CD9: variants seen among roughly 807,000 people sequenced by gnomAD.
CD9 encodes CD9 antigen.
A neutral mutation model predicts 31.4 loss-of-function variants in CD9; 10 were observed. That is an observed-to-expected ratio of 0.32 (90% CI 0.20 to 0.54). The LOEUF is 0.54. Ranked by LOEUF, CD9 falls within the 20% of genes least tolerant of loss-of-function variation. The pLI is 0.94. For synonymous variants in CD9, 113 were observed against 114.1 expected, an observed-to-expected ratio of 0.99 and a Z score of 0.06; for missense variants, 259 against 300.1, an observed-to-expected ratio of 0.86 and a Z score of 1.01.
chr12:6,235,427 C>G, intron 5 of CD9, 49 bp from the exon 6 acceptor site: 1 of 1,613,582 alleles, frequency 6.2e-7, no homozygotes, highest in Non-Finnish European at 8.5e-7. Context: ...TTCTAATCGT[C>G]TTCTTACAAT....
chr12:6,221,410 A>C (rs1227174765), intron 1 of CD9, among the ~76,000 whole-genome samples: 2 of 152,202 alleles, frequency 1.3e-5, no homozygotes, highest in Admixed American at 6.5e-5. Context: ...CCCTGGGAAC[A>C]GGGCACTGTC....
At chr12:6,233,337 G>A (rs181877921) in intron 3 of CD9, 75 bp from the exon 4 acceptor site, 1 of 1,094,566 alleles carries the variant, frequency 9.1e-7, no homozygotes, top group African/African-American at 1.6e-5. Context: ...CTTCTTCCTT[G>A]TCCCAAAATA....
chr12:6,235,914 G>A (rs2072370), intron 6 of CD9: 726,838 of 1,372,400 alleles, frequency 0.53, 197,222 homozygotes, highest in African/African-American at 0.84. Flanking sequence ...AATAGTAAAA[G>A]GTGACCTTAC....
At chr12:6,200,354 C>T (rs1946060451), upstream of CD9, 1 of 506,916 alleles carries the variant, frequency 2.0e-6, no homozygotes, top group Non-Finnish European at 3.7e-6. Flanking sequence ...GGTCGCGCGC[C>T]CTAAGGAGTG....
chr12:6,220,832 G>C (rs797009270), intron 1 of CD9, among the ~76,000 whole-genome samples: 4 of 152,262 alleles, frequency 2.6e-5, no homozygotes, highest in African/African-American at 9.6e-5. Flanking sequence ...TCATATTACT[G>C]TGTTTCATTT....
intron 2 of CD9, among the ~76,000 whole-genome samples, chr12:6,230,179 A>G (rs1946424964): frequency 6.6e-6 from 1 of 152,142 alleles, no homozygotes; most frequent in Non-Finnish European, 1.5e-5. Flanking sequence ...CCCCGAACAC[A>G]GCTGCCAGGG....
chr12:6,235,575 G>C lies in CD9; in HGVS notation c.537+10G>C, dbSNP rs749718252. On this transcript the variant is annotated intron_variant, in intron 6 of 7. Coordinates refer to ENST00000009180, the MANE Select transcript of CD9 (RefSeq NM_001769.4). Reference sequence around the variant, plus strand: ...AACCTTCACCGTGAAGGTAAACTCAGACCAGGATCCTGGTGTCCCTGCCCC... The same window carrying C: ...AACCTTCACCGTGAAGGTAAACTCACACCAGGATCCTGGTGTCCCTGCCCC... The C allele has an allele frequency of 1.9e-6, 3 of 1,605,026 alleles. No homozygotes were observed. The East Asian group carries it at 6.7e-5, about 36-fold the overall frequency.
chr12:6,211,451 G>A (rs1017322647), intron 1 of CD9, among the ~76,000 whole-genome samples: 1 of 152,160 alleles, frequency 6.6e-6, no homozygotes, highest in African/African-American at 2.4e-5. Context: ...AAGCGGTGCC[G>A]GAAGTGCTTT....
At position 6,237,895 on chromosome 12, in the gene CD9, T is replaced by TTTTG; in HGVS notation, c.*71_*74dup. ...ATTGGTGGGATTTTTTGTTTGTTTG[T>TTTTG]TTTGTTTTGTTTGTTGTTTGTTGTT... On this transcript the variant is annotated 3_prime_UTR_variant, in exon 8 of 8. Transcript: ENST00000009180. 8.2e-7 allele frequency: 1 copy of TTTTG among 1,215,108 alleles called. No individual in the cohort carries two copies. The highest frequency in any genetic ancestry group is 1.2e-6 in the Non-Finnish European group (1 of 824,300). 75.3% of individuals were successfully genotyped at this position (1,215,108 alleles called of 1,614,324 possible). A position where few individuals can be genotyped will look rare whatever the true frequency, so the allele number is the denominator to read the frequency against.
In CD9 at chr12:6,237,806, G is replaced by A. The variant is rs201524346; in HGVS notation, c.665G>A (p.Arg222His). 3.5e-5 allele frequency: 57 copies of A among 1,612,714 alleles called. No homozygotes were observed. Among genetic ancestry groups the A allele is most frequent in the Non-Finnish European group, 4.2e-5 (49 of 1,178,962 alleles). The change falls in exon 8 of 8, where the codon CGC (arginine) becomes CAC (histidine). Residue 222 changes from arginine to histidine, a missense_variant. Physicochemically the swap from Arg to His is conservative, Grantham distance 29. Coordinates refer to ENST00000009180, the MANE Select transcript of CD9 (RefSeq NM_001769.4). ...IFSMILCCAI[R>H]RNREMV ...AGTATGATCTTGTGCTGTGCTATCC[G>A]CAGGAACCGCGAGATGGTCTAGAGT... is the stretch of plus-strand genomic sequence containing the variant.
chr12:6,223,802 G>A (rs764777051), intron 1 of CD9, among the ~76,000 whole-genome samples: 1 of 152,136 alleles, frequency 6.6e-6, no homozygotes, highest in Non-Finnish European at 1.5e-5. Context: ...GGTCCAGGAC[G>A]GTGGAGACTC....
At chr12:6,224,751 G>GCA (rs1946340537) in intron 1 of CD9, among the ~76,000 whole-genome samples, 1 of 152,170 alleles carries the variant, frequency 6.6e-6, no homozygotes, top group Non-Finnish European at 1.5e-5. Flanking sequence ...GAGGCCTCCT[G>GCA]CACAGCATCT....
chr12:6,233,155 T>C (rs150048438), intron 3 of CD9: 9 of 673,488 alleles, frequency 1.3e-5, no homozygotes, highest in Middle Eastern at 2.4e-4. Context: ...TAACGCCTTG[T>C]AAATGCTAGT....
At chr12:6,201,844 C>T (rs1336339687) in intron 1 of CD9, among the ~76,000 whole-genome samples, 1 of 152,240 alleles carries the variant, frequency 6.6e-6, no homozygotes, top group African/African-American at 2.4e-5. Flanking sequence ...CAAGACCAGC[C>T]TGGGTAACAT....
rs1200053029 is a variant in CD9, at chr12:6,216,813, C to T, written c.67-8613C>T. On this transcript the variant is annotated intron_variant, in intron 1 of 7. Transcript: ENST00000009180. Reference sequence around the variant, plus strand: ...CTGCCACCCAGCCGCCTTCTCCGATCACAGGAGGACACAACAGCCGTCCAC... The same window carrying T: ...CTGCCACCCAGCCGCCTTCTCCGATTACAGGAGGACACAACAGCCGTCCAC... 3.3e-5 allele frequency among the ~76,000 whole-genome samples: 5 copies of T among 152,318 alleles called. No individual in the cohort carries two copies. In the South Asian group the frequency reaches 1.0e-3, roughly 32 times the overall value.
chr12:6,210,370 G>T (rs546836073), intron 1 of CD9, among the ~76,000 whole-genome samples: 34 of 152,320 alleles, frequency 2.2e-4, no homozygotes, highest in African/African-American at 7.7e-4. Context: ...CGCCGCCTCT[G>T]TCCACCCTGA....
At chr12:6,221,994 T>C (rs1047323944) in intron 1 of CD9, among the ~76,000 whole-genome samples, 1 of 151,960 alleles carries the variant, frequency 6.6e-6, no homozygotes, top group South Asian at 2.1e-4. Flanking sequence ...AGACCCTGTC[T>C]CAAAAAATAA....
intron 1 of CD9, among the ~76,000 whole-genome samples, chr12:6,216,823 C>T (rs2136614156): frequency 6.6e-6 from 1 of 152,338 alleles, no homozygotes; most frequent in South Asian, 2.1e-4. Context: ...CACAGGAGGA[C>T]ACAACAGCCG....
rs371739320 is a variant in CD9, at chr12:6,233,392, G to T, written c.274-20G>T. On this transcript the variant is annotated intron_variant, in intron 3 of 7. Coordinates refer to ENST00000009180, the MANE Select transcript of CD9 (RefSeq NM_001769.4). ...GGTTGGCTGGGACTGTTCTCACCCCGTCCCCTCGTTGCCTTCCAGTTCTTC... is the reference window on the plus strand; with the variant it reads ...GGTTGGCTGGGACTGTTCTCACCCCTTCCCCTCGTTGCCTTCCAGTTCTTC... 6.9e-6 allele frequency: 11 copies of T among 1,602,566 alleles called. No homozygotes were observed. Among genetic ancestry groups the T allele is most frequent in the Non-Finnish European group, 9.4e-6 (11 of 1,169,676 alleles).
Sources: gnomAD v4.1 joint callset for allele counts (sites outside exome capture counted in the v4.1 genomes callset) on GRCh38, gnomAD v4.1.1 for gene constraint, MANE v1.5 for transcripts, NCBI Gene and HGNC (gene_info 2026-07-23, HGNC 2026-07-21) for gene names.